ADGRG6: variants seen among roughly 807,000 people sequenced by gnomAD.
ADGRG6 encodes adhesion G protein-coupled receptor G6, also known as G-protein coupled receptor 126.
A neutral mutation model predicts 142.4 loss-of-function variants in ADGRG6; 84 were observed. The observed-to-expected ratio is 0.59, with a 90% CI of 0.49 to 0.71. ADGRG6 has a LOEUF of 0.71. Among genes scored for constraint, ADGRG6 ranks in the 30% least tolerant of loss-of-function variants. The probability of loss-of-function intolerance (pLI) is 0.00; values close to 1 mark genes in which losing one functional copy is unlikely to be tolerated. For missense variants in ADGRG6, 1,367 were observed against 1,466.6 expected (o/e 0.93, Z 1.11); for synonymous variants, 521 against 520.5 (o/e 1.00, Z -0.01).
At chr6:142,340,873 A>G (rs1315449907) in intron 2 of ADGRG6, among the ~76,000 whole-genome samples, 1 of 152,120 alleles carries the variant, frequency 6.6e-6, no homozygotes, top group Admixed American at 6.6e-5. Flanking sequence ...TGTGTAGAGT[A>G]CTGCCCTGTT....
intron 4 of ADGRG6, among the ~76,000 whole-genome samples, chr6:142,375,787 A>C (rs988489162): frequency 1.1e-4 from 17 of 152,186 alleles, no homozygotes; most frequent in African/African-American, 3.9e-4. Context: ...GTATATTGCT[A>C]AATAAATTTT....
At chr6:142,313,321 T>G (rs1777862215) in intron 2 of ADGRG6, among the ~76,000 whole-genome samples, 1 of 152,072 alleles carries the variant, frequency 6.6e-6, no homozygotes, top group South Asian at 2.1e-4. Flanking sequence ...ACTTCTTTTT[T>G]GTGGCCTAAC....
intron 2 of ADGRG6, among the ~76,000 whole-genome samples, chr6:142,348,803 C>A (rs1198800327): frequency 5.9e-5 from 9 of 152,166 alleles, no homozygotes; most frequent in Non-Finnish European, 1.2e-4. Context: ...GAAAGTTCTG[C>A]ATTCCAAATA....
chr6:142,339,039 A>T (rs1308521914), intron 2 of ADGRG6, among the ~76,000 whole-genome samples: 4 of 152,176 alleles, frequency 2.6e-5, no homozygotes, highest in Admixed American at 2.0e-4. Flanking sequence ...TATACTCTTA[A>T]AACTTCACAT....
intron 4 of ADGRG6, among the ~76,000 whole-genome samples, chr6:142,371,578 C>G (rs1781263095): frequency 6.6e-6 from 1 of 151,328 alleles, no homozygotes; most frequent in African/African-American, 2.4e-5. Flanking sequence ...CTCTGCCTCC[C>G]AGATTCACGC....
In ADGRG6 at chr6:142,415,899, A is replaced by T. The variant is rs781662099; in HGVS notation, c.2773A>T (p.Asn925Tyr). 13 of 1,613,350 alleles carry T rather than the reference A, an allele frequency of 8.1e-6. No homozygotes were observed. Among genetic ancestry groups the T allele is most frequent in the Non-Finnish European group, 1.7e-6 (2 of 1,179,590 alleles). Residue 925 changes from asparagine (N) to tyrosine (Y), a missense_variant, in exon 20 of 25, where the codon AAT becomes TAT. Transcript: ENST00000367609. ...CCTAGATGGCTGGATCACCTCCTTC[A>T]ATGTGGATGGACTTTGCATTGCTGT... is the stretch of plus-strand genomic sequence containing the variant. The part of the protein sequence containing the change: ...FLLDGWITSF[N>Y]VDGLCIAVAV...
At chr6:142,435,248 TGCTTAGCAGC>T (rs1481375204) in intron 22 of ADGRG6, among the ~76,000 whole-genome samples, 5 of 152,140 alleles carry the variant, frequency 3.3e-5, no homozygotes, top group Non-Finnish European at 7.3e-5. Flanking sequence ...CAGTGCCTCC[TGCTTAGCAGC>T]GCTTAATAAA....
intron 2 of ADGRG6, among the ~76,000 whole-genome samples, chr6:142,328,074 C>T (rs1242782650): frequency 4.6e-5 from 7 of 152,116 alleles, no homozygotes; most frequent in South Asian, 2.1e-4. Context: ...CAAAACAGAA[C>T]GCAGTTCTTC....
In ADGRG6 at chr6:142,445,553, G is replaced by A. The variant is rs1437639886; in HGVS notation, c.*2038G>A. On this transcript the variant is annotated 3_prime_UTR_variant, in exon 25 of 25. Transcript: ENST00000367609. ...TTGCTTTTGATTTCTACTCATATTC[G>A]TATGGCTCCAGAAAAATATTTTTTT... The A allele has an allele frequency of 2.0e-5, 3 of 152,110 alleles. No homozygotes were observed. Among genetic ancestry groups the A allele is most frequent in the South Asian group, 2.1e-4 (1 of 4,824 alleles). The allele number at this position is 152,110 out of a possible 1,614,324, so 9.4% of individuals were successfully genotyped here. A position where few individuals can be genotyped will look rare whatever the true frequency, so the allele number is the denominator to read the frequency against.
chr6:142,442,933 T>A (rs1233437059), intron 24 of ADGRG6, among the ~76,000 whole-genome samples: 1 of 152,148 alleles, frequency 6.6e-6, no homozygotes, highest in Admixed American at 6.6e-5. Flanking sequence ...TTTCCCTTCC[T>A]ATATTATTTG....
chr6:142,438,198 A>ATT lies in ADGRG6; in HGVS notation c.3422-5_3422-4dup. 16 of 1,420,552 alleles carry ATT rather than the reference A, an allele frequency of 1.1e-5. No homozygotes were observed. The highest frequency in any genetic ancestry group is 4.1e-5 in the Admixed American group (2 of 49,092). The allele number at this position is 1,420,552 out of a possible 1,614,324, so 88.0% of individuals were successfully genotyped here. ...TAAAGCAGATTGATAGGGTGATGTC[A>ATT]TTTTTTTTTTCAGATTGGAGTAAGA... is the stretch of plus-strand genomic sequence containing the variant. On this transcript the variant is annotated splice_polypyrimidine_tract_variant and intron_variant, in intron 23 of 24. Transcript: ENST00000367609.
chr6:142,350,282 T>TG (rs1780105083), intron 2 of ADGRG6, among the ~76,000 whole-genome samples: 1 of 152,238 alleles, frequency 6.6e-6, no homozygotes, highest in Non-Finnish European at 1.5e-5. Context: ...TTATCATAGT[T>TG]GGGAAAAAAT....
chr6:142,325,300 G>A (rs888412644), intron 2 of ADGRG6, among the ~76,000 whole-genome samples: 8 of 152,012 alleles, frequency 5.3e-5, no homozygotes, highest in Non-Finnish European at 7.4e-5. Context: ...ACCTTCCTCC[G>A]GGTTCCCATA....
Position 142,408,131 on chromosome 6 carries a change from AT to A in ADGRG6, c.2269-10del, listed in dbSNP as rs762516333. On this transcript the variant is annotated intron_variant, in intron 15 of 24. Transcript: ENST00000367609. ...AGTGTACTTCTGACTGATACACGCG[AT>A]TTTTTTTTCTTTAAAAGGATGTAGG... is the stretch of plus-strand genomic sequence containing the variant. 5.3e-5 allele frequency: 81 copies of A among 1,515,310 alleles called. 1 individual carries two copies. Among genetic ancestry groups the A allele is most frequent in the Admixed American group, 1.4e-4 (7 of 48,760 alleles). 93.9% of individuals were successfully genotyped at this position (1,515,310 alleles called of 1,614,324 possible). A position where few individuals can be genotyped will look rare whatever the true frequency, so the allele number is the denominator to read the frequency against.
intron 24 of ADGRG6, among the ~76,000 whole-genome samples, chr6:142,442,673 AT>A (rs1016099675): frequency 6.6e-5 from 10 of 152,124 alleles, no homozygotes; most frequent in African/African-American, 2.2e-4. Flanking sequence ...AATTAAAAAA[AT>A]AATTCACAAG....
chr6:142,396,923 A>G (rs977779462), intron 9 of ADGRG6, among the ~76,000 whole-genome samples: 3 of 152,154 alleles, frequency 2.0e-5, no homozygotes, highest in African/African-American at 4.8e-5. Context: ...GGCTTTGGGG[A>G]TACATTTCTT....
chr6:142,306,432 C>T (rs1777497932), intron 1 of ADGRG6, among the ~76,000 whole-genome samples: 1 of 152,058 alleles, frequency 6.6e-6, no homozygotes, highest in Admixed American at 6.6e-5. Context: ...GTGTGGGTCT[C>T]AAAAAGGACG....
intron 18 of ADGRG6, among the ~76,000 whole-genome samples, chr6:142,412,848 G>A (rs1776154199): frequency 6.6e-6 from 1 of 152,056 alleles, no homozygotes; most frequent in Admixed American, 6.6e-5. Context: ...CATGTTGTAA[G>A]TCTGGTATTA....
chr6:142,425,201 T>C (rs193141963), intron 22 of ADGRG6, among the ~76,000 whole-genome samples: 46 of 152,264 alleles, frequency 3.0e-4, no homozygotes, highest in African/African-American at 1.1e-3. Flanking sequence ...GGATGTGCAC[T>C]TTGTAAAGAT....
Sources: allele counts gnomAD v4.1 joint callset (sites outside exome capture counted in the v4.1 genomes callset), GRCh38; gene constraint gnomAD v4.1.1; transcripts MANE v1.5; gene names NCBI Gene and HGNC (gene_info 2026-07-23, HGNC 2026-07-21).